The following NTRK2 variants were observed in gnomAD, a reference collection of about 807,000 sequenced individuals.
NTRK2 encodes the protein neurotrophic receptor tyrosine kinase 2.
A neutral mutation model predicts 94.5 loss-of-function variants in NTRK2; 13 were observed. The ratio of observed to expected loss-of-function variants is 0.14; its 90% CI spans 0.09 to 0.22. NTRK2 has a LOEUF of 0.22. NTRK2 is among the 10% of genes least tolerant of loss of function. The probability of loss-of-function intolerance (pLI) is 1.00; values close to 1 mark genes in which losing one functional copy is unlikely to be tolerated. For synonymous variants in NTRK2, 372 were observed against 407.4 expected (o/e 0.91, Z 1.05); for missense variants, 639 against 1,071.2 (o/e 0.60, Z 5.63).
Position 84,861,090 on chromosome 9 carries a change from A to G in NTRK2, c.1444+3A>G, listed in dbSNP as rs544481153. The G allele has an allele frequency of 1.2e-6, 2 of 1,610,700 alleles. No individual in the cohort carries two copies. Among genetic ancestry groups the G allele is most frequent in the South Asian group, 2.2e-5 (2 of 90,978 alleles). ...AGTAAAATCAAGACAAGGTGTTGGT[A>G]AGTAGTTAACTCACTCCTTCTTTGG... is the stretch of plus-strand genomic sequence containing the variant. On this transcript the variant is annotated splice_donor_region_variant and intron_variant, in intron 13 of 18. Coordinates refer to ENST00000277120, the MANE Select transcript of NTRK2 (RefSeq NM_006180.6).
intron 12 of NTRK2, chr9:84,814,566 G>C (rs1451120436): frequency 9.4e-7 from 1 of 1,065,708 alleles, no homozygotes; most frequent in Non-Finnish European, 1.1e-6. Flanking sequence ...TTGCAAAATG[G>C]AATCAAGATA....
chr9:84,870,136 C>T (rs1276910936), intron 14 of NTRK2, among the ~76,000 whole-genome samples: 5 of 138,466 alleles, frequency 3.6e-5, no homozygotes, highest in African/African-American at 1.1e-4. Context: ...TACACACACA[C>T]ACACATATAT....
chr9:84,782,389 C>T (rs1164791578), intron 12 of NTRK2, among the ~76,000 whole-genome samples: 4 of 152,154 alleles, frequency 2.6e-5, no homozygotes, highest in East Asian at 3.9e-4. Flanking sequence ...CTATAGGAAA[C>T]GGAACTGTGA....
chr9:84,780,895 A>G (rs1778970), intron 12 of NTRK2, among the ~76,000 whole-genome samples: 88,321 of 152,030 alleles, frequency 0.58, 27,313 homozygotes, highest in South Asian at 0.68. Context: ...TGATAATTTC[A>G]GGGGTATGGC....
intron 17 of NTRK2, among the ~76,000 whole-genome samples, chr9:85,004,033 G>GAA (rs1830634034): frequency 2.8e-4 from 22 of 77,768 alleles, no homozygotes; most frequent in Non-Finnish European, 3.7e-4. Flanking sequence ...AAGAAAGAAA[G>GAA]AGAGAAAGAA....
intron 14 of NTRK2, among the ~76,000 whole-genome samples, chr9:84,907,685 CTTCT>C (rs1424110158): frequency 3.1e-4 from 43 of 137,614 alleles, no homozygotes; most frequent in Non-Finnish European, 5.7e-4. Flanking sequence ...CATTACTCTT[CTTCT>C]TTTTTTTTTT....
At chr9:84,833,031 C>G (rs368062936) in intron 12 of NTRK2, among the ~76,000 whole-genome samples, 1 of 139,836 alleles carries the variant, frequency 7.2e-6, no homozygotes, top group East Asian at 2.2e-4. Flanking sequence ...TGAGGCTGCC[C>G]TTCTTCAAGT....
At chr9:84,776,311 T>C (rs969445911) in intron 12 of NTRK2, among the ~76,000 whole-genome samples, 2 of 152,170 alleles carry the variant, frequency 1.3e-5, no homozygotes, top group African/African-American at 4.8e-5. Context: ...AACCTCTGCC[T>C]CCCAGGTTCA....
intron 12 of NTRK2, among the ~76,000 whole-genome samples, chr9:84,817,769 G>T (rs1395725255): frequency 1.3e-5 from 2 of 152,182 alleles, no homozygotes; most frequent in African/African-American, 4.8e-5. Flanking sequence ...CAGGCAATGA[G>T]TTATGAATAA....
In NTRK2 at chr9:84,898,621, C is replaced by A. The variant is rs1453676501; in HGVS notation, c.1633+31190C>A. On this transcript the variant is annotated intron_variant, in intron 14 of 18. Coordinates refer to ENST00000277120, the MANE Select transcript of NTRK2 (RefSeq NM_006180.6). ...CAGGGATTGTTGTGGCTCCTTGTGG[C>A]TAGACAGCTGGCAAATGGAGGGGCT... 2.6e-5 allele frequency among the ~76,000 whole-genome samples: 4 copies of A among 151,904 alleles called. 1 individual carries two copies. Among genetic ancestry groups the A allele is most frequent in the South Asian group, 4.2e-4 (2 of 4,816 alleles).
intron 11 of NTRK2, among the ~76,000 whole-genome samples, chr9:84,748,751 A>C (rs1168146482): frequency 1.3e-5 from 2 of 152,218 alleles, no homozygotes; most frequent in East Asian, 3.9e-4. Context: ...TCTGCAATTT[A>C]ATAATAAAGA....
intron 14 of NTRK2, chr9:84,873,689 G>T: frequency 9.5e-7 from 1 of 1,055,944 alleles, no homozygotes; most frequent in Non-Finnish European, 1.1e-6. Context: ...GCACTGAGAT[G>T]AAGATTTGTT....
Position 85,026,129 on chromosome 9 carries a change from CA to C in NTRK2, c.*4703del, listed in dbSNP as rs3837243. The C allele has an allele frequency of 0.55, 108,720 of 196,868 alleles. 27,899 individuals carry two copies. The highest frequency in any genetic ancestry group is 0.7 in the East Asian group (9,062 of 12,932). The allele number at this position is 196,868 out of a possible 1,614,324, so 12.2% of individuals were successfully genotyped here. A position where few individuals can be genotyped will look rare whatever the true frequency, so the allele number is the denominator to read the frequency against. On this transcript the variant is annotated 3_prime_UTR_variant, in exon 19 of 19. Transcript: ENST00000277120. Reference sequence around the variant, plus strand: ...CATTCAGCACAAACACAAAGCAAAGCAAAAAAAAAAATATATATATATATAT... The same window carrying C: ...CATTCAGCACAAACACAAAGCAAAGCAAAAAAAAAATATATATATATATAT...
intron 13 of NTRK2, among the ~76,000 whole-genome samples, chr9:84,863,224 C>G (rs868856712): frequency 2.0e-5 from 3 of 152,094 alleles, no homozygotes; most frequent in Non-Finnish European, 4.4e-5. Flanking sequence ...AGATGAACTT[C>G]GTGATTCTTA....
chr9:84,930,210 A>C (rs1465589146), intron 14 of NTRK2, among the ~76,000 whole-genome samples: 1 of 152,230 alleles, frequency 6.6e-6, no homozygotes, highest in African/African-American at 2.4e-5. Flanking sequence ...ACAATCAGCC[A>C]AACTAAACCT....
chr9:84,749,180 A>T (rs1003598278), intron 11 of NTRK2, among the ~76,000 whole-genome samples: 3 of 152,134 alleles, frequency 2.0e-5, no homozygotes, highest in Non-Finnish European at 4.4e-5. Context: ...GTGAGCCAAG[A>T]TCGCACCATT....
intron 9 of NTRK2, among the ~76,000 whole-genome samples, chr9:84,736,712 G>A (rs575011941): frequency 2.0e-5 from 3 of 152,304 alleles, no homozygotes; most frequent in East Asian, 1.9e-4. Context: ...GAGTGCTAAT[G>A]TTAGTTAATT....
At chr9:85,020,071 A>AT (rs1391853993) in intron 17 of NTRK2, 135 bp from the exon 18 acceptor site, 1 of 915,666 alleles carries the variant, frequency 1.1e-6, no homozygotes, top group Non-Finnish European at 1.8e-6. Flanking sequence ...AAGAAGTCAT[A>AT]TATCCTTTAT....
At chr9:84,991,309 T>C (rs983614549) in intron 17 of NTRK2, among the ~76,000 whole-genome samples, 1 of 152,188 alleles carries the variant, frequency 6.6e-6, no homozygotes, top group Non-Finnish European at 1.5e-5. Context: ...GACAAGGACA[T>C]AGCGGACACG....
Sources: allele counts gnomAD v4.1 joint callset (sites outside exome capture counted in the v4.1 genomes callset), GRCh38; gene constraint gnomAD v4.1.1; transcripts MANE v1.5; gene names NCBI Gene and HGNC (gene_info 2026-07-23, HGNC 2026-07-21).